Variants in KIFAP3 observed in about 807,000 individuals in gnomAD.
The protein encoded by KIFAP3 is kinesin-associated protein 3.
In KIFAP3, 68 loss-of-function variants were observed where a neutral mutation model predicts 106.5. The observed-to-expected ratio is 0.64, with a 90% CI of 0.53 to 0.78. The LOEUF is 0.78. Among genes scored for constraint, KIFAP3 ranks in the 30% least tolerant of loss-of-function variants. KIFAP3 has a pLI of 0.00. For missense variants in KIFAP3, 780 were observed against 941.8 expected (o/e 0.83, Z 2.25); for synonymous variants, 320 against 311.5 (o/e 1.03, Z -0.29).
chr1:169,973,316 T>A, intron 16 of KIFAP3, among the ~76,000 whole-genome samples: 1 of 147,488 alleles, frequency 6.8e-6, no homozygotes, highest in African/African-American at 2.5e-5. Context: ...TGAAAAGAGA[T>A]AAAAAGATTA....
chr1:169,947,601 AAT>A (rs1431109976), intron 19 of KIFAP3, among the ~76,000 whole-genome samples: 1 of 151,892 alleles, frequency 6.6e-6, no homozygotes, highest in Non-Finnish European at 1.5e-5. Context: ...CTTATCTTAA[AAT>A]ATGTTTACAT....
chr1:170,020,970 C>A (rs1368162666), intron 9 of KIFAP3, among the ~76,000 whole-genome samples: 1 of 152,060 alleles, frequency 6.6e-6, no homozygotes, highest in African/African-American at 2.4e-5. Flanking sequence ...CAAATACAGT[C>A]CACTAAATTT....
intron 10 of KIFAP3, among the ~76,000 whole-genome samples, chr1:170,002,677 C>T (rs931851075): frequency 6.6e-6 from 1 of 152,132 alleles, no homozygotes; most frequent in African/African-American, 2.4e-5. Flanking sequence ...GGTGGCTCTG[C>T]TGATTAAAAG....
chr1:170,032,091 T>C (rs2102044410), intron 7 of KIFAP3, 107 bp from the exon 8 acceptor site: 1 of 655,268 alleles, frequency 1.5e-6, no homozygotes, highest in East Asian at 2.6e-5. Flanking sequence ...CTTTATCCAG[T>C]TATTTTTCTC....
At chr1:170,068,294 G>A (rs1292181643) in intron 1 of KIFAP3, 2 of 151,902 alleles carry the variant, frequency 1.3e-5, no homozygotes, top group South Asian at 2.1e-4. Context: ...TATGTCCAAA[G>A]AGCAAAAAGA....
chr1:169,993,186 C>A lies in KIFAP3; in HGVS notation c.1184-931G>T, dbSNP rs151169658. ...GCAGTGGCACAATCTTGGCTCACTG[C>A]AACCTCCACCTCCCAGGTTCAAGGG... On this transcript the variant is annotated intron_variant, in intron 10 of 19. Transcript: ENST00000361580. 5.9e-3 allele frequency among the ~76,000 whole-genome samples: 896 copies of A among 150,934 alleles called. 3 individuals are homozygous for A. Among genetic ancestry groups the A allele is most frequent in the Non-Finnish European group, 0.01 (682 of 67,790 alleles).
At chr1:169,922,332 A>C (rs1366738474) in intron 19 of KIFAP3, among the ~76,000 whole-genome samples, 4 of 152,348 alleles carry the variant, frequency 2.6e-5, no homozygotes, top group African/African-American at 9.6e-5. Context: ...CAAAATTTGA[A>C]AATTAGTCAG....
intron 1 of KIFAP3, among the ~76,000 whole-genome samples, chr1:170,060,238 T>C (rs1271494051): frequency 2.0e-5 from 3 of 152,182 alleles, no homozygotes; most frequent in East Asian, 1.9e-4. Context: ...TGTTTGCAGA[T>C]GACATGATTG....
chr1:170,057,071 A>G (rs1670891603), intron 1 of KIFAP3, among the ~76,000 whole-genome samples: 1 of 152,180 alleles, frequency 6.6e-6, no homozygotes, highest in Non-Finnish European at 1.5e-5. Flanking sequence ...ATAAGAAACT[A>G]TCTTAATTAC....
At chr1:170,084,863 A>G (rs953088478) in intron 1 of KIFAP3, among the ~76,000 whole-genome samples, 1 of 152,160 alleles carries the variant, frequency 6.6e-6, no homozygotes, top group African/African-American at 2.4e-5. Context: ...TTAATATAGG[A>G]AAGTTGTATG....
At chr1:169,969,964 A>C (rs992556881) in intron 17 of KIFAP3, among the ~76,000 whole-genome samples, 15 of 152,146 alleles carry the variant, frequency 9.9e-5, no homozygotes, top group Middle Eastern at 6.8e-3. Context: ...AATGTCTGAC[A>C]AACCAGAAAT....
chr1:169,945,278 T>C (rs1390265154), intron 19 of KIFAP3, among the ~76,000 whole-genome samples: 1 of 151,930 alleles, frequency 6.6e-6, no homozygotes, highest in Non-Finnish European at 1.5e-5. Flanking sequence ...GGCCAGGGAG[T>C]GGAAGCAGGC....
rs1460852292 is a variant in KIFAP3 at position 169,982,748 on chromosome 1, A to T, written c.1626T>A (p.Leu542=). The T allele has an allele frequency of 6.2e-7, 1 of 1,610,684 alleles. No homozygotes were observed. The stretch of plus-strand genomic sequence containing the variant: ...GGTATGGAACCAACTTATATTCTTT[A>T]AGAACCAATTCCCAGTCTAAGTCTG... ...TIPDLDWELV[L]KEYKLVPYLK... The change falls in exon 14 of 20, where the codon CTT becomes CTA. Residue 542 remains leucine (L), a synonymous_variant. Transcript: ENST00000361580.
chr1:169,985,576 T>C (rs1666777892), intron 11 of KIFAP3, among the ~76,000 whole-genome samples: 1 of 151,812 alleles, frequency 6.6e-6, no homozygotes, highest in African/African-American at 2.4e-5. Flanking sequence ...GTTTTAGATA[T>C]GTTGAGTTTA....
intron 10 of KIFAP3, among the ~76,000 whole-genome samples, chr1:169,997,740 G>A (rs1054642564): frequency 2.0e-5 from 3 of 151,792 alleles, no homozygotes; most frequent in African/African-American, 7.3e-5. Context: ...CATGATGGCA[G>A]GTGCCTATAA....
rs556531257 is a variant in KIFAP3 at position 169,963,783 on chromosome 1, C to T, written c.1984-2548G>A. On this transcript the variant is annotated intron_variant, in intron 17 of 19. Coordinates refer to ENST00000361580, the MANE Select transcript of KIFAP3 (RefSeq NM_014970.4). ...TACTGGGATTACAGGCGTGAGCCAC[C>T]GTGTCTGGCCAGGACTTCTTTTCTA... Among the ~76,000 whole-genome samples, 92 of 152,216 alleles carry T rather than the reference C, an allele frequency of 6.0e-4. 1 individual carries two copies. In the South Asian group the frequency reaches 0.019, roughly 31 times the overall value.
At chr1:170,070,800 A>G (rs1407282778) in intron 1 of KIFAP3, among the ~76,000 whole-genome samples, 1 of 152,238 alleles carries the variant, frequency 6.6e-6, no homozygotes, top group Non-Finnish European at 1.5e-5. Flanking sequence ...CATGAGCAAC[A>G]AAAGAATAAA....
chr1:169,963,224 T>A (rs1263295141), intron 17 of KIFAP3, among the ~76,000 whole-genome samples: 2 of 152,210 alleles, frequency 1.3e-5, no homozygotes, highest in East Asian at 3.9e-4. Flanking sequence ...TGTTCCTGTG[T>A]TAGTTTACTT....
intron 1 of KIFAP3, chr1:170,068,474 GA>G (rs1206499111): frequency 6.6e-6 from 1 of 151,902 alleles, no homozygotes; most frequent in African/African-American, 2.4e-5. Context: ...AGCAGAGAGA[GA>G]AAAGAATCAG....
Sources: allele counts gnomAD v4.1 joint callset (sites outside exome capture counted in the v4.1 genomes callset), GRCh38; gene constraint gnomAD v4.1.1; transcripts MANE v1.5; gene names NCBI Gene and HGNC (gene_info 2026-07-23, HGNC 2026-07-21).